MCTP1: variants seen among roughly 807,000 people sequenced by gnomAD.
MCTP1 encodes the protein multiple C2 and transmembrane domain-containing protein 1.
Under a neutral mutation model 120.6 loss-of-function variants are expected in MCTP1, and 69 were observed. The ratio of observed to expected loss-of-function variants is 0.57; its 90% CI spans 0.47 to 0.70. The LOEUF is 0.70. Ranked by LOEUF, MCTP1 falls within the 30% of genes least tolerant of loss-of-function variation. The pLI, the probability that MCTP1 is intolerant of heterozygous loss-of-function variation, is 0.00. For missense variants in MCTP1, 1,203 were observed against 1,248.8 expected (o/e 0.96, Z 0.55); for synonymous variants, 529 against 493.1 (o/e 1.07, Z -0.96).
chr5:95,005,991 C>A (rs1562004534), intron 2 of MCTP1, among the ~76,000 whole-genome samples: 1 of 152,058 alleles, frequency 6.6e-6, no homozygotes, highest in Non-Finnish European at 1.5e-5. Flanking sequence ...CTCACACACC[C>A]CCACTCTCAC....
intron 1 of MCTP1, among the ~76,000 whole-genome samples, chr5:95,054,660 C>T (rs2152037306): frequency 6.6e-6 from 1 of 152,220 alleles, no homozygotes; most frequent in South Asian, 2.1e-4. Flanking sequence ...AACTGAATCC[C>T]CACCATGTGA....
At chr5:94,953,762 A>C (rs939452037) in intron 2 of MCTP1, among the ~76,000 whole-genome samples, 1 of 146,244 alleles carries the variant, frequency 6.8e-6, no homozygotes, top group Non-Finnish European at 1.5e-5. Context: ...ATATATATAT[A>C]TATCAAATGC....
At chr5:94,726,022 C>A (rs1261036484) in intron 19 of MCTP1, among the ~76,000 whole-genome samples, 1 of 152,188 alleles carries the variant, frequency 6.6e-6, no homozygotes, top group Non-Finnish European at 1.5e-5. Context: ...AATATTATTT[C>A]ATGCTTGTAA....
intron 19 of MCTP1, among the ~76,000 whole-genome samples, chr5:94,741,538 A>G (rs1027694814): frequency 6.6e-6 from 1 of 152,250 alleles, no homozygotes; most frequent in Non-Finnish European, 1.5e-5. Context: ...GGATGACAAA[A>G]GAGGAAACAG....
chr5:94,897,353 C>T (rs1330108672), intron 10 of MCTP1, among the ~76,000 whole-genome samples: 1 of 150,758 alleles, frequency 6.6e-6, no homozygotes, highest in African/African-American at 2.4e-5. Context: ...AACAAGCCAC[C>T]ACACCCAGCC....
At chr5:94,933,662 A>G (rs1426439921) in intron 5 of MCTP1, among the ~76,000 whole-genome samples, 3 of 151,860 alleles carry the variant, frequency 2.0e-5, no homozygotes, top group Non-Finnish European at 4.4e-5. Flanking sequence ...GCATCTAAGA[A>G]TTTTATAATA....
chr5:95,066,756 A>T (rs544420096), intron 1 of MCTP1, among the ~76,000 whole-genome samples: 2 of 152,196 alleles, frequency 1.3e-5, no homozygotes, highest in East Asian at 3.8e-4. Context: ...AAAAACAAAT[A>T]TTGCATGATC....
intron 1 of MCTP1, among the ~76,000 whole-genome samples, chr5:95,130,197 T>A (rs1332085824): frequency 6.6e-6 from 1 of 152,190 alleles, no homozygotes; most frequent in Non-Finnish European, 1.5e-5. Flanking sequence ...CCAATTCCCA[T>A]AATAAACTCC....
intron 19 of MCTP1, among the ~76,000 whole-genome samples, chr5:94,769,632 T>C (rs1773616658): frequency 2.6e-5 from 4 of 152,040 alleles, no homozygotes; most frequent in South Asian, 2.1e-4. Context: ...ACAGAACCAA[T>C]AAAATTGAAG....
intron 1 of MCTP1, among the ~76,000 whole-genome samples, chr5:95,207,930 A>G (rs1751815838): frequency 1.5e-5 from 2 of 131,760 alleles, no homozygotes; most frequent in South Asian, 5.4e-4. Flanking sequence ...TGAGCGGGCG[A>G]GAGAGAGAGA....
At chr5:94,980,404 T>C (rs1561963249) in intron 2 of MCTP1, among the ~76,000 whole-genome samples, 1 of 152,118 alleles carries the variant, frequency 6.6e-6, no homozygotes, top group Non-Finnish European at 1.5e-5. Flanking sequence ...CAGTAACATA[T>C]GACACATGAT....
intron 8 of MCTP1, among the ~76,000 whole-genome samples, chr5:94,913,558 T>C (rs1235982622): frequency 6.6e-6 from 1 of 152,206 alleles, no homozygotes; most frequent in East Asian, 1.9e-4. Flanking sequence ...AATAAGCCCA[T>C]CTAAGATGTC....
At chr5:94,894,866 G>GATT in intron 10 of MCTP1, 31 bp from the exon 11 acceptor site, 2 of 1,162,862 alleles carry the variant, frequency 1.7e-6, no homozygotes, top group Non-Finnish European at 2.2e-6. Flanking sequence ...TCAGCAAGTG[G>GATT]CTTTTTTTTT....
At chr5:95,049,331 T>C (rs1007132906) in intron 1 of MCTP1, among the ~76,000 whole-genome samples, 2 of 152,124 alleles carry the variant, frequency 1.3e-5, no homozygotes, top group African/African-American at 4.8e-5. Flanking sequence ...CCAAAAGTCT[T>C]TGGAGAAGGC....
intron 17 of MCTP1, among the ~76,000 whole-genome samples, chr5:94,823,187 AC>A (rs879678597): frequency 6.6e-6 from 1 of 152,188 alleles, no homozygotes; most frequent in Non-Finnish European, 1.5e-5. Flanking sequence ...TTTAGGTCTT[AC>A]GTTTAAGTTT....
At chr5:94,867,408 A>G (rs1299091278) in intron 17 of MCTP1, 4 of 1,294,392 alleles carry the variant, frequency 3.1e-6, no homozygotes, top group Non-Finnish European at 1.1e-6. Flanking sequence ...AGCTCAAAGT[A>G]CTAAACAGAT....
chr5:95,185,069 G>A lies in MCTP1; in HGVS notation c.720+98787C>T, dbSNP rs1323675169. Among the ~76,000 whole-genome samples the A allele has an allele frequency of 6.6e-5, 10 of 152,234 alleles. No individual in the cohort carries two copies. The East Asian group carries it at 1.7e-3, about 26-fold the overall frequency. On this transcript the variant is annotated intron_variant, in intron 1 of 22. Coordinates refer to ENST00000515393, the MANE Select transcript of MCTP1 (RefSeq NM_024717.7). The stretch of plus-strand genomic sequence containing the variant: ...CATGAATTACTCTTTTTCCATTACA[G>A]TTCCCCTGTCTTAAGAAAGCAGCTC...
chr5:94,784,612 C>A (rs1400493013), intron 18 of MCTP1, among the ~76,000 whole-genome samples: 1 of 152,000 alleles, frequency 6.6e-6, no homozygotes, highest in Non-Finnish European at 1.5e-5. Context: ...TATACTGTTT[C>A]ATCCAGTACA....
At chr5:95,007,130 G>T (rs1441754123) in intron 2 of MCTP1, among the ~76,000 whole-genome samples, 1 of 152,142 alleles carries the variant, frequency 6.6e-6, no homozygotes, top group Non-Finnish European at 1.5e-5. Flanking sequence ...AAAAAGGGGG[G>T]AAAAGCCCCT....
Sources: allele counts gnomAD v4.1 joint callset (sites outside exome capture counted in the v4.1 genomes callset), GRCh38; gene constraint gnomAD v4.1.1; transcripts MANE v1.5; gene names NCBI Gene and HGNC (gene_info 2026-07-23, HGNC 2026-07-21).